Variants in PLCB1 observed in about 807,000 individuals in gnomAD.
PLCB1 encodes phospholipase C beta 1.
PLCB1 carries 46 observed loss-of-function variants against 161.8 expected under a neutral mutation model. That is an observed-to-expected ratio of 0.28 (90% CI 0.22 to 0.36). The LOEUF is 0.36. PLCB1 is among the 10% of genes least tolerant of loss of function. The probability of loss-of-function intolerance (pLI) is 1.00; values close to 1 mark genes in which losing one functional copy is unlikely to be tolerated. For synonymous variants in PLCB1, 517 were observed against 503.7 expected, an observed-to-expected ratio of 1.03 and a Z score of -0.35; for missense variants, 1,016 against 1,472.5, an observed-to-expected ratio of 0.69 and a Z score of 5.07.
intron 11 of PLCB1, among the ~76,000 whole-genome samples, chr20:8,701,053 G>A (rs1478363929): frequency 6.6e-6 from 1 of 152,210 alleles, no homozygotes. Context: ...GCTGGCACTA[G>A]AGAGTGAGTG....
intron 3 of PLCB1, among the ~76,000 whole-genome samples, chr20:8,376,121 T>C (rs1333345957): frequency 6.6e-6 from 1 of 152,118 alleles, no homozygotes; most frequent in Non-Finnish European, 1.5e-5. Context: ...CCAACTTTAG[T>C]ACATGAAAAC....
intron 3 of PLCB1, among the ~76,000 whole-genome samples, chr20:8,463,342 C>G (rs1214130485): frequency 2.6e-5 from 4 of 152,118 alleles, no homozygotes; most frequent in Non-Finnish European, 4.4e-5. Flanking sequence ...CCTTCATTTT[C>G]TTCCCTACCA....
At chr20:8,439,408 A>G (rs930080988) in intron 3 of PLCB1, among the ~76,000 whole-genome samples, 1 of 152,196 alleles carries the variant, frequency 6.6e-6, no homozygotes. Flanking sequence ...ATTTTTTCCT[A>G]AGACCCATAA....
intron 2 of PLCB1, among the ~76,000 whole-genome samples, chr20:8,292,934 G>A (rs1983455180): frequency 6.6e-6 from 1 of 152,100 alleles, no homozygotes; most frequent in Non-Finnish European, 1.5e-5. Context: ...CACATAGTAG[G>A]TCCTTTTGTT....
chr20:8,235,807 A>G (rs115904973), intron 2 of PLCB1, among the ~76,000 whole-genome samples: 3,100 of 152,212 alleles, frequency 0.02, 85 homozygotes, highest in African/African-American at 0.067. Context: ...AAAGTTTTTT[A>G]TGTCCAGTAA....
intron 3 of PLCB1, among the ~76,000 whole-genome samples, chr20:8,563,416 C>A (rs1200218063): frequency 6.6e-6 from 1 of 152,018 alleles, no homozygotes; most frequent in Non-Finnish European, 1.5e-5. Flanking sequence ...ACTTCTCAAC[C>A]TCCTCTTGGT....
chr20:8,783,738 C>A (rs993404304), intron 27 of PLCB1, among the ~76,000 whole-genome samples: 1 of 152,280 alleles, frequency 6.6e-6, no homozygotes, highest in Non-Finnish European at 1.5e-5. Flanking sequence ...GCAAGACAGG[C>A]TTCCCCTTGA....
intron 2 of PLCB1, among the ~76,000 whole-genome samples, chr20:8,197,239 G>A (rs6039086): frequency 0.026 from 3,891 of 152,166 alleles, 186 homozygotes; most frequent in African/African-American, 0.088. Flanking sequence ...CTGAGGAATC[G>A]CCACACTGTC....
chr20:8,831,658 C>G (rs6086620), intron 31 of PLCB1, among the ~76,000 whole-genome samples: 43,937 of 151,956 alleles, frequency 0.29, 6,524 homozygotes, highest in Middle Eastern at 0.41. Context: ...GAGACAAACT[C>G]TCACTCTGTC....
chr20:8,357,600 T>G (rs956595407), intron 2 of PLCB1, among the ~76,000 whole-genome samples: 1 of 152,034 alleles, frequency 6.6e-6, no homozygotes, highest in African/African-American at 2.4e-5. Context: ...GAGGATCCCT[T>G]GAGCCCAGGA....
At chr20:8,478,769 T>C (rs1982383222) in intron 3 of PLCB1, among the ~76,000 whole-genome samples, 1 of 152,144 alleles carries the variant, frequency 6.6e-6, no homozygotes, top group Admixed American at 6.5e-5. Context: ...AACTTCAAAA[T>C]GTAAAGTTAA....
chr20:8,392,658 T>TAAA (rs1987643757), intron 3 of PLCB1, among the ~76,000 whole-genome samples: 1 of 152,172 alleles, frequency 6.6e-6, no homozygotes. Flanking sequence ...TTGCCAGCCA[T>TAAA]AATGTGTGAT....
At chr20:8,801,210 A>G (rs1799304983) in intron 31 of PLCB1, among the ~76,000 whole-genome samples, 1 of 152,072 alleles carries the variant, frequency 6.6e-6, no homozygotes, top group African/African-American at 2.4e-5. Context: ...ACCTTGAGCC[A>G]TTGTTTCCTC....
chr20:8,355,096 G>A (rs771601993), intron 2 of PLCB1, among the ~76,000 whole-genome samples: 14 of 152,082 alleles, frequency 9.2e-5, no homozygotes, highest in Non-Finnish European at 1.9e-4. Flanking sequence ...TACTTAACAT[G>A]TAGAGATCTC....
At chr20:8,180,809 C>T (rs79707126) in intron 2 of PLCB1, among the ~76,000 whole-genome samples, 263 of 152,082 alleles carry the variant, frequency 1.7e-3, no homozygotes, top group African/African-American at 5.9e-3. Flanking sequence ...AATCATGGTA[C>T]CTCTAAACAT....
chr20:8,386,857 A>G (rs1418534453), intron 3 of PLCB1, among the ~76,000 whole-genome samples: 1 of 152,204 alleles, frequency 6.6e-6, no homozygotes, highest in East Asian at 1.9e-4. Flanking sequence ...TTCACCTTGC[A>G]CTTGTATGTT....
intron 10 of PLCB1, among the ~76,000 whole-genome samples, chr20:8,693,504 G>C (rs1990524673): frequency 1.3e-5 from 2 of 152,164 alleles, no homozygotes; most frequent in Non-Finnish European, 2.9e-5. Flanking sequence ...GAGATTATAT[G>C]CCCTGAATGG....
intron 3 of PLCB1, among the ~76,000 whole-genome samples, chr20:8,457,496 CCTTCCATCCAG>C (rs1325982678): frequency 6.6e-6 from 1 of 152,124 alleles, no homozygotes; most frequent in Non-Finnish European, 1.5e-5. Context: ...AAATTGCCCA[CCTTCCATCCAG>C]CTTCCATCAC....
chr20:8,164,268 C>G (rs534918067), intron 2 of PLCB1, among the ~76,000 whole-genome samples: 2 of 152,160 alleles, frequency 1.3e-5, no homozygotes, highest in Admixed American at 1.3e-4. Flanking sequence ...GAATGACTTC[C>G]CTTGGTTCCC....
Sources: allele counts gnomAD v4.1 joint callset (sites outside exome capture counted in the v4.1 genomes callset), GRCh38; gene constraint gnomAD v4.1.1; transcripts MANE v1.5; gene names NCBI Gene and HGNC (gene_info 2026-07-23, HGNC 2026-07-21).